The following COL26A1 variants were observed in gnomAD, a reference collection of about 807,000 sequenced individuals.
COL26A1 encodes collagen type XXVI alpha 1 chain, also known as collagen alpha-1(XXVI) chain.
Under a neutral mutation model 59.3 loss-of-function variants are expected in COL26A1, and 41 were observed. The ratio of observed to expected loss-of-function variants is 0.69; its 90% CI spans 0.54 to 0.90. The LOEUF (loss-of-function observed/expected upper bound fraction) is 0.90. Among genes scored for constraint, COL26A1 ranks in the 40% least tolerant of loss-of-function variants. COL26A1 has a pLI of 0.00. For synonymous variants in COL26A1, 266 were observed against 256.0 expected (o/e 1.04, Z -0.37); for missense variants, 612 against 602.3 (o/e 1.02, Z -0.17).
chr7:101,381,420 G>T (rs1268271394), intron 1 of COL26A1, among the ~76,000 whole-genome samples: 4 of 152,078 alleles, frequency 2.6e-5, no homozygotes, highest in African/African-American at 9.7e-5. Flanking sequence ...TAATCATCAA[G>T]TCCCTTTAAC....
At chr7:101,504,959 G>C (rs1448551768) in intron 3 of COL26A1, among the ~76,000 whole-genome samples, 1 of 152,206 alleles carries the variant, frequency 6.6e-6, no homozygotes, top group Non-Finnish European at 1.5e-5. Context: ...TTCCAGACCA[G>C]CCTGACCAAT....
intron 3 of COL26A1, among the ~76,000 whole-genome samples, chr7:101,448,375 C>G (rs1462980292): frequency 6.6e-6 from 1 of 152,230 alleles, no homozygotes; most frequent in Non-Finnish European, 1.5e-5. Flanking sequence ...GCAAATCCCC[C>G]TTCACTGCTG....
At chr7:101,435,919 C>A (rs1372055244) in intron 2 of COL26A1, among the ~76,000 whole-genome samples, 1 of 152,216 alleles carries the variant, frequency 6.6e-6, no homozygotes, top group Admixed American at 6.5e-5. Context: ...AGCCTCCCCC[C>A]TCTGGTTGGG....
intron 3 of COL26A1, among the ~76,000 whole-genome samples, chr7:101,513,809 CA>C (rs1794974209): frequency 6.6e-6 from 1 of 152,160 alleles, no homozygotes; most frequent in Admixed American, 6.6e-5. Flanking sequence ...ACAGCACAAA[CA>C]CATGCTACAG....
intron 3 of COL26A1, among the ~76,000 whole-genome samples, chr7:101,528,608 C>T (rs547089865): frequency 1.1e-4 from 17 of 151,898 alleles, no homozygotes; most frequent in African/African-American, 3.4e-4. Context: ...AGTGCAGTGG[C>T]GCCAACATGG....
intron 2 of COL26A1, among the ~76,000 whole-genome samples, chr7:101,432,648 A>T (rs962712400): frequency 2.6e-5 from 4 of 152,188 alleles, no homozygotes; most frequent in African/African-American, 7.2e-5. Context: ...AGCGAGAGGC[A>T]GATTATATCT....
chr7:101,556,931 A>ATGGATG (rs1795989837), intron 12 of COL26A1, among the ~76,000 whole-genome samples: 2 of 95,530 alleles, frequency 2.1e-5, no homozygotes, highest in African/African-American at 4.2e-5. Context: ...ATGGATGGAT[A>ATGGATG]GATGCATAGA....
chr7:101,449,984 C>A (rs1479738062), intron 3 of COL26A1, among the ~76,000 whole-genome samples: 1 of 151,824 alleles, frequency 6.6e-6, no homozygotes, highest in African/African-American at 2.4e-5. Flanking sequence ...ATTAGCCGGG[C>A]ATAGTGGTGG....
chr7:101,403,439 A>C (rs1189096576), intron 1 of COL26A1, among the ~76,000 whole-genome samples: 3 of 152,132 alleles, frequency 2.0e-5, no homozygotes, highest in Non-Finnish European at 2.9e-5. Context: ...GAATCACTTG[A>C]GCCTGGGAGG....
At chr7:101,537,754 G>A (rs746709886) in intron 4 of COL26A1, among the ~76,000 whole-genome samples, 2 of 152,114 alleles carry the variant, frequency 1.3e-5, no homozygotes, top group Non-Finnish European at 2.9e-5. Context: ...AGGAGGCCAA[G>A]GCGGGACCCC....
chr7:101,452,875 CTG>C (rs906847967), intron 3 of COL26A1, among the ~76,000 whole-genome samples: 3 of 151,994 alleles, frequency 2.0e-5, no homozygotes, highest in Non-Finnish European at 4.4e-5. Flanking sequence ...ACGGATTCTC[CTG>C]TCTTAGCCTC....
At chr7:101,464,481 C>T (rs899944588) in intron 3 of COL26A1, among the ~76,000 whole-genome samples, 3 of 151,626 alleles carry the variant, frequency 2.0e-5, no homozygotes, top group African/African-American at 2.4e-5. Context: ...GGCGCGATCT[C>T]AGCTCACCAC....
chr7:101,402,327 CT>C (rs929278567), intron 1 of COL26A1, among the ~76,000 whole-genome samples: 3 of 152,100 alleles, frequency 2.0e-5, no homozygotes, highest in Non-Finnish European at 4.4e-5. Flanking sequence ...GGGAACCAGC[CT>C]CCCCGCTGAT....
chr7:101,366,606 T>G (rs1791055407), intron 1 of COL26A1, among the ~76,000 whole-genome samples: 1 of 145,308 alleles, frequency 6.9e-6, no homozygotes, highest in Non-Finnish European at 1.5e-5. Flanking sequence ...GTTCAAGCAA[T>G]CCTCCCACCT....
chr7:101,553,204 G>C (rs953715994), intron 10 of COL26A1, 122 bp from the exon 11 acceptor site: 2 of 836,256 alleles, frequency 2.4e-6, no homozygotes, highest in African/African-American at 3.4e-5. Context: ...CCCAGCACCC[G>C]TTTCCCAGGC....
At chr7:101,410,760 C>T (rs1181549986) in intron 1 of COL26A1, among the ~76,000 whole-genome samples, 3 of 151,970 alleles carry the variant, frequency 2.0e-5, no homozygotes, top group Non-Finnish European at 2.9e-5. Flanking sequence ...TGGAATGTCA[C>T]GATCTCAGTT....
chr7:101,413,376 G>A (rs1452165451), intron 1 of COL26A1, among the ~76,000 whole-genome samples: 1 of 152,036 alleles, frequency 6.6e-6, no homozygotes, highest in Non-Finnish European at 1.5e-5. Context: ...AATATTAGCC[G>A]GGTATGGTGG....
chr7:101,460,364 G>A (rs1357207503), intron 3 of COL26A1, among the ~76,000 whole-genome samples: 2 of 152,126 alleles, frequency 1.3e-5, no homozygotes, highest in African/African-American at 4.8e-5. Flanking sequence ...CTGGCTCCCT[G>A]GGTCTAAGTT....
At chr7:101,528,268 T>G (rs1055385142) in intron 3 of COL26A1, among the ~76,000 whole-genome samples, 11 of 152,142 alleles carry the variant, frequency 7.2e-5, no homozygotes. Flanking sequence ...GGCCTCCCCC[T>G]CCATCCGCTG....
Sources: allele counts gnomAD v4.1 joint callset (sites outside exome capture counted in the v4.1 genomes callset), GRCh38; gene constraint gnomAD v4.1.1; transcripts MANE v1.5; gene names NCBI Gene and HGNC (gene_info 2026-07-23, HGNC 2026-07-21).